The following SEPTIN7 variants were observed in gnomAD, a reference collection of about 807,000 sequenced individuals.
The protein encoded by SEPTIN7 is septin-7.
In SEPTIN7, 10 loss-of-function variants were observed where a neutral mutation model predicts 63.3. The ratio of observed to expected loss-of-function variants is 0.16; its 90% CI spans 0.10 to 0.27. The LOEUF (loss-of-function observed/expected upper bound fraction) is 0.27. Among genes scored for constraint, SEPTIN7 ranks in the 10% least tolerant of loss-of-function variants. SEPTIN7 has a pLI of 1.00. For synonymous variants in SEPTIN7, 131 were observed against 165.3 expected (o/e 0.79, Z 1.59); for missense variants, 310 against 521.0 (o/e 0.59, Z 3.94).
At chr7:35,878,093 G>A (rs900749483) in intron 6 of SEPTIN7, among the ~76,000 whole-genome samples, 1 of 152,136 alleles carries the variant, frequency 6.6e-6, no homozygotes, top group African/African-American at 2.4e-5. Context: ...TTGAAAAATT[G>A]TTAAGTGGAA....
At chr7:35,826,348 A>C (rs1236523280) in intron 1 of SEPTIN7, among the ~76,000 whole-genome samples, 1 of 150,734 alleles carries the variant, frequency 6.6e-6, no homozygotes, top group African/African-American at 2.4e-5. Flanking sequence ...CTTTAGGAGA[A>C]ACATACTTCG....
chr7:35,873,814 G>C, intron 6 of SEPTIN7, 39 bp downstream of exon 6: 1 of 1,587,246 alleles, frequency 6.3e-7, no homozygotes, highest in South Asian at 1.1e-5. Context: ...TTTTGTTGTT[G>C]TTGCTTACTG....
At chr7:35,898,463 TATAAC>T (rs1788087544) in intron 12 of SEPTIN7, 80 bp downstream of exon 12, 1 of 922,986 alleles carries the variant, frequency 1.1e-6, no homozygotes, top group African/African-American at 1.7e-5. Context: ...TTATAGATAA[TATAAC>T]CTTTTTATAC....
intron 3 of SEPTIN7, among the ~76,000 whole-genome samples, chr7:35,862,254 CCT>C (rs1490831954): frequency 1.3e-5 from 2 of 151,840 alleles, no homozygotes; most frequent in African/African-American, 4.8e-5. Flanking sequence ...TTCCCTTTGT[CCT>C]CTGTCATCTT....
At chr7:35,860,243 G>A (rs966044400) in intron 3 of SEPTIN7, among the ~76,000 whole-genome samples, 5 of 151,586 alleles carry the variant, frequency 3.3e-5, no homozygotes, top group East Asian at 1.9e-4. Context: ...ACAACTACAC[G>A]TCCACTGCTC....
At chr7:35,898,109 A>G (rs1788063487) in intron 11 of SEPTIN7, 139 bp from the exon 12 acceptor site, 1 of 564,510 alleles carries the variant, frequency 1.8e-6, no homozygotes, top group African/African-American at 1.9e-5. Context: ...TATATATGAA[A>G]TATGGAAAGA....
chr7:35,846,235 G>T (rs1330323534), intron 3 of SEPTIN7, among the ~76,000 whole-genome samples: 2 of 152,126 alleles, frequency 1.3e-5, no homozygotes, highest in East Asian at 3.8e-4. Context: ...AATTTTCAAT[G>T]GCTGAATAAT....
intron 3 of SEPTIN7, among the ~76,000 whole-genome samples, chr7:35,838,271 TCC>T (rs1287556215): frequency 8.6e-4 from 11 of 12,824 alleles, no homozygotes; most frequent in African/African-American, 4.8e-3. Context: ...CTTCCTTCCT[TCC>T]TTCCTTCCTT....
intron 1 of SEPTIN7, among the ~76,000 whole-genome samples, chr7:35,818,630 A>T (rs1275457176): frequency 1.3e-5 from 2 of 151,540 alleles, no homozygotes; most frequent in Non-Finnish European, 3.0e-5. Context: ...TGTGTGTGTT[A>T]GTTATTTTTT....
rs1143152 is a variant in SEPTIN7 at position 35,888,783 on chromosome 7, G to A, written c.873-1885G>A. On this transcript the variant is annotated intron_variant, in intron 10 of 13. Transcript: ENST00000350320. Reference sequence around the variant, plus strand: ...TGTAGTGAGCTGAGATCGTACCACTGCATTCCATCCAGCCTGGGCAACAGA... The same window carrying A: ...TGTAGTGAGCTGAGATCGTACCACTACATTCCATCCAGCCTGGGCAACAGA... 795 of 259,584 alleles carry A rather than the reference G, an allele frequency of 3.1e-3. 11 individuals are homozygous for A. Among genetic ancestry groups the A allele is most frequent in the African/African-American group, 0.02 (731 of 35,880 alleles). 16.1% of individuals were successfully genotyped at this position (259,584 alleles called of 1,614,324 possible). A position where few individuals can be genotyped will look rare whatever the true frequency, so the allele number is the denominator to read the frequency against.
At chr7:35,903,333 T>C in intron 13 of SEPTIN7, 118 bp downstream of exon 13, 2 of 1,391,574 alleles carry the variant, frequency 1.4e-6, no homozygotes, top group South Asian at 3.6e-5. Context: ...TATCATGCAT[T>C]CCAAACACAA....
chr7:35,896,681 A>G (rs758706561), intron 11 of SEPTIN7, among the ~76,000 whole-genome samples: 92 of 152,246 alleles, frequency 6.0e-4, no homozygotes, highest in Non-Finnish European at 1.2e-3. Context: ...CACTTTTAAA[A>G]TGCAGGTTCT....
downstream of SEPTIN7, among the ~76,000 whole-genome samples, chr7:35,908,369 C>T (rs771028831): frequency 6.6e-5 from 10 of 152,160 alleles, no homozygotes; most frequent in Non-Finnish European, 1.3e-4. Context: ...TTGGCCTGAA[C>T]ATTTGCCCCA....
chr7:35,826,850 TTAGA>T (rs1320413054), intron 1 of SEPTIN7, among the ~76,000 whole-genome samples: 1 of 152,174 alleles, frequency 6.6e-6, no homozygotes, highest in Non-Finnish European at 1.5e-5. Context: ...TAATGGCATT[TTAGA>T]TAGCAAGATT....
intron 1 of SEPTIN7, among the ~76,000 whole-genome samples, chr7:35,824,912 A>G (rs1310324250): frequency 6.6e-6 from 1 of 152,220 alleles, no homozygotes; most frequent in African/African-American, 2.4e-5. Context: ...AGTCTTTAAA[A>G]TATGATATTT....
chr7:35,891,805 C>A (rs888511046), intron 11 of SEPTIN7, among the ~76,000 whole-genome samples: 1 of 152,054 alleles, frequency 6.6e-6, no homozygotes, highest in African/African-American at 2.4e-5. Context: ...TTTTAAAAAA[C>A]TTTTTGGTTC....
chr7:35,838,806 T>C (rs1784263130), intron 3 of SEPTIN7: 1 of 152,220 alleles, frequency 6.6e-6, no homozygotes, highest in South Asian at 2.1e-4. Flanking sequence ...TTTGAAATCT[T>C]AAATCCGTAT....
chr7:35,805,488 A>G (rs1035087417), intron 1 of SEPTIN7, among the ~76,000 whole-genome samples: 4 of 152,252 alleles, frequency 2.6e-5, no homozygotes, highest in Admixed American at 2.6e-4. Context: ...TTTCTCTGAC[A>G]TAAACTGATA....
At chr7:35,868,708 G>C (rs933880405) in intron 4 of SEPTIN7, among the ~76,000 whole-genome samples, 1 of 152,102 alleles carries the variant, frequency 6.6e-6, no homozygotes, top group African/African-American at 2.4e-5. Flanking sequence ...TATATCCTGT[G>C]GCAAGTCATT....
Sources: allele counts gnomAD v4.1 joint callset (sites outside exome capture counted in the v4.1 genomes callset), GRCh38; gene constraint gnomAD v4.1.1; transcripts MANE v1.5; gene names NCBI Gene and HGNC (gene_info 2026-07-23, HGNC 2026-07-21).